The following ARPP21 variants were observed in gnomAD, a reference collection of about 807,000 sequenced individuals.
ARPP21 encodes the protein cAMP-regulated phosphoprotein 21.
A neutral mutation model predicts 113.2 loss-of-function variants in ARPP21; 69 were observed. The observed-to-expected ratio is 0.61, with a 90% CI of 0.50 to 0.74. The LOEUF (loss-of-function observed/expected upper bound fraction) is 0.74. Ranked by LOEUF, ARPP21 falls within the 30% of genes least tolerant of loss-of-function variation. The probability of loss-of-function intolerance (pLI) is 0.00; values close to 1 mark genes in which losing one functional copy is unlikely to be tolerated. For missense variants in ARPP21, 1,070 were observed against 1,037.4 expected (o/e 1.03, Z -0.43); for synonymous variants, 368 against 375.5 (o/e 0.98, Z 0.23).
Position 35,738,295 on chromosome 3 carries a change from T to G in ARPP21, c.1726T>G (p.Ser576Ala). 1 of 1,534,546 alleles carries G rather than the reference T, an allele frequency of 6.5e-7. No homozygotes were observed. The highest frequency in any genetic ancestry group is 8.7e-7 in the Non-Finnish European group (1 of 1,145,308). Residue 576 changes from serine to alanine, a missense_variant, in exon 17 of 21, where the codon TCT (serine) becomes GCT (alanine). Transcript: ENST00000684406. ...SFPPQHLLPV[S>A]PTQHFPMRDD... Reference sequence around the variant, plus strand: ...TCCTCCCCAGCACCTCCTACCTGTGTCTCCAACGCAGCACTTTCCCATGGT... The same window carrying G: ...TCCTCCCCAGCACCTCCTACCTGTGGCTCCAACGCAGCACTTTCCCATGGT...
At chr3:35,724,432 A>C (rs910135934) in intron 14 of ARPP21, among the ~76,000 whole-genome samples, 2 of 152,182 alleles carry the variant, frequency 1.3e-5, no homozygotes, top group African/African-American at 4.8e-5. Context: ...TCTTCAAAGC[A>C]GGGTTTCTGA....
At chr3:35,735,708 G>A (rs747288712) in intron 15 of ARPP21, among the ~76,000 whole-genome samples, 2 of 152,174 alleles carry the variant, frequency 1.3e-5, no homozygotes, top group Non-Finnish European at 2.9e-5. Flanking sequence ...TTCTCTCTAA[G>A]TATTTTGCTC....
intron 19 of ARPP21, among the ~76,000 whole-genome samples, chr3:35,774,115 A>T (rs2096283611): frequency 1.3e-5 from 2 of 152,154 alleles, no homozygotes; most frequent in Admixed American, 6.5e-5. Flanking sequence ...TGACTTGATA[A>T]CAGTTTAAAA....
chr3:35,687,960 T>A, intron 6 of ARPP21, 77 bp downstream of exon 6: 1 of 1,368,772 alleles, frequency 7.3e-7, no homozygotes, highest in Non-Finnish European at 1.0e-6. Flanking sequence ...AGATTTCACA[T>A]GCATATTCAC....
chr3:35,732,123 G>A (rs1407503902), intron 15 of ARPP21, among the ~76,000 whole-genome samples: 1 of 152,038 alleles, frequency 6.6e-6, no homozygotes, highest in African/African-American at 2.4e-5. Context: ...TGTCGTTCAT[G>A]TGCAAAATTA....
At chr3:35,677,446 A>T (rs4678794) in intron 1 of ARPP21, among the ~76,000 whole-genome samples, 15,883 of 151,988 alleles carry the variant, frequency 0.1, 874 homozygotes, top group Non-Finnish European at 0.12. Flanking sequence ...AAACTAAAGA[A>T]ATAAGAAACA....
chr3:35,731,093 T>A (rs2093926039), intron 15 of ARPP21, among the ~76,000 whole-genome samples: 1 of 152,206 alleles, frequency 6.6e-6, no homozygotes, highest in South Asian at 2.1e-4. Context: ...TTAATTGAGA[T>A]AGAGGGCTTG....
At chr3:35,665,456 CT>C (rs1308582567) in intron 1 of ARPP21, among the ~76,000 whole-genome samples, 20 of 152,166 alleles carry the variant, frequency 1.3e-4, no homozygotes, top group African/African-American at 4.6e-4. Flanking sequence ...CTAAAAATAT[CT>C]GCAGAATCAA....
intron 1 of ARPP21, chr3:35,642,539 T>A (rs987585384): frequency 6.6e-6 from 1 of 152,162 alleles, no homozygotes; most frequent in Non-Finnish European, 1.5e-5. Context: ...TCTTCACTAG[T>A]TCTTAGAAAG....
At chr3:35,756,448 G>C (rs959297195) in intron 19 of ARPP21, among the ~76,000 whole-genome samples, 2 of 151,958 alleles carry the variant, frequency 1.3e-5, no homozygotes, top group African/African-American at 4.8e-5. Context: ...TCACATTTAT[G>C]CTCCTGTCCA....
intron 19 of ARPP21, among the ~76,000 whole-genome samples, chr3:35,756,021 T>C (rs2095556689): frequency 6.6e-6 from 1 of 152,074 alleles, no homozygotes; most frequent in African/African-American, 2.4e-5. Flanking sequence ...CATGACTGCT[T>C]ACTACAGGGA....
chr3:35,711,470 A>T (rs1208504869), intron 11 of ARPP21, among the ~76,000 whole-genome samples: 1 of 152,196 alleles, frequency 6.6e-6, no homozygotes, highest in East Asian at 1.9e-4. Context: ...ATGCAATCAT[A>T]CCACTGGTAT....
chr3:35,742,930 G>T (rs1166140001), intron 18 of ARPP21, among the ~76,000 whole-genome samples: 2 of 152,166 alleles, frequency 1.3e-5, no homozygotes, highest in Non-Finnish European at 2.9e-5. Flanking sequence ...ATGAACTGAG[G>T]CAGGCAAAGA....
intron 9 of ARPP21, among the ~76,000 whole-genome samples, chr3:35,702,267 T>C (rs2086718809): frequency 6.6e-6 from 1 of 151,748 alleles, no homozygotes; most frequent in African/African-American, 2.4e-5. Context: ...TTTTATAGAG[T>C]CACATATCCT....
At chr3:35,753,918 T>C (rs1378885585) in intron 19 of ARPP21, among the ~76,000 whole-genome samples, 1 of 151,680 alleles carries the variant, frequency 6.6e-6, no homozygotes, top group African/African-American at 2.4e-5. Flanking sequence ...GTGAATTCAA[T>C]ATTTTTAGCT....
rs888545258 is a variant in ARPP21, at chr3:35,794,114, C to T, written c.*156C>T. ...AAAAATAAACAAAGACTAATATACA[C>T]GTTAGCTGGTTAATGGTGCATATTT... is the stretch of plus-strand genomic sequence containing the variant. On this transcript the variant is annotated 3_prime_UTR_variant, in exon 21 of 21. Transcript: ENST00000684406. 20 of 682,150 alleles carry T rather than the reference C, an allele frequency of 2.9e-5. 1 individual carries two copies. Among genetic ancestry groups the T allele is most frequent in the East Asian group, 5.5e-5 (2 of 36,628 alleles). The allele number at this position is 682,150 out of a possible 1,614,324, so 42.3% of individuals were successfully genotyped here.
upstream of ARPP21, chr3:35,638,929 G>A (rs1256121414): frequency 6.6e-6 from 1 of 152,406 alleles, no homozygotes; most frequent in African/African-American, 2.4e-5. Flanking sequence ...TGTTATTATT[G>A]TGGGATTGTC....
chr3:35,733,476 C>A (rs1284934602), intron 15 of ARPP21, among the ~76,000 whole-genome samples: 1 of 152,186 alleles, frequency 6.6e-6, no homozygotes, highest in African/African-American at 2.4e-5. Context: ...GCCTGCTGAG[C>A]GTGCTTGTGC....
intron 18 of ARPP21, among the ~76,000 whole-genome samples, chr3:35,740,281 A>T (rs1484133155): frequency 6.6e-6 from 1 of 152,180 alleles, no homozygotes; most frequent in Non-Finnish European, 1.5e-5. Context: ...ATTAGAAGTG[A>T]TTACTGTCAA....
Sources: gnomAD v4.1 joint callset for allele counts (sites outside exome capture counted in the v4.1 genomes callset) on GRCh38, gnomAD v4.1.1 for gene constraint, MANE v1.5 for transcripts, NCBI Gene and HGNC (gene_info 2026-07-23, HGNC 2026-07-21) for gene names.